Variants in GRIN2A observed in about 807,000 individuals in gnomAD.
GRIN2A encodes glutamate receptor ionotropic, NMDA 2A.
Under a neutral mutation model 113.4 loss-of-function variants are expected in GRIN2A, and 22 were observed. The observed-to-expected ratio is 0.19, with a 90% CI of 0.14 to 0.28. The LOEUF (loss-of-function observed/expected upper bound fraction) is 0.28. GRIN2A is among the 10% of genes least tolerant of loss of function. The pLI, the probability that GRIN2A is intolerant of heterozygous loss-of-function variation, is 1.00. For synonymous variants in GRIN2A, 827 were observed against 738.4 expected (o/e 1.12, Z -1.94); for missense variants, 1,502 against 1,887.0 (o/e 0.80, Z 3.78).
intron 4 of GRIN2A, among the ~76,000 whole-genome samples, chr16:9,885,824 G>C (rs1208503745): frequency 6.6e-6 from 1 of 152,200 alleles, no homozygotes; most frequent in Non-Finnish European, 1.5e-5. Context: ...TGAAGCACTA[G>C]ATCCCCTGAG....
chr16:9,948,955 A>G (rs776919374), intron 2 of GRIN2A, among the ~76,000 whole-genome samples: 1 of 152,078 alleles, frequency 6.6e-6, no homozygotes, highest in Non-Finnish European at 1.5e-5. Flanking sequence ...TATAAAATGG[A>G]CCTGGCAGTT....
intron 3 of GRIN2A, among the ~76,000 whole-genome samples, chr16:9,902,016 G>A (rs1160482793): frequency 1.3e-5 from 2 of 151,840 alleles, no homozygotes; most frequent in Non-Finnish European, 2.9e-5. Context: ...AGAACTAAGT[G>A]CAGATTTTCT....
rs1315161286 is a variant in GRIN2A, at chr16:10,180,911, G to A, written c.-18-482C>T. The A allele has an allele frequency of 1.6e-5, 3 of 189,788 alleles. No homozygotes were observed. The highest frequency in any genetic ancestry group is 7.1e-5 in the African/African-American group (3 of 42,416). The allele number at this position is 189,788 out of a possible 1,614,324, so 11.8% of individuals were successfully genotyped here. ...GAGCGAACTACAGACCCCGCAGGGCGTGCGGAGGCGGCACCCAGACCCCGC... is the reference window on the plus strand; with the variant it reads ...GAGCGAACTACAGACCCCGCAGGGCATGCGGAGGCGGCACCCAGACCCCGC... On this transcript the variant is annotated intron_variant, in intron 1 of 12. Transcript: ENST00000330684. The surrounding 1 kb of genome is among the most constrained non-coding windows in gnomAD (Gnocchi z 7.0).
chr16:10,084,172 T>C (rs2048040554), intron 2 of GRIN2A, among the ~76,000 whole-genome samples: 1 of 152,190 alleles, frequency 6.6e-6, no homozygotes. Flanking sequence ...TAGAACCTGG[T>C]GACATGTCTT....
intron 10 of GRIN2A, among the ~76,000 whole-genome samples, chr16:9,816,195 G>A (rs1311007105): frequency 6.6e-6 from 1 of 152,144 alleles, no homozygotes; most frequent in African/African-American, 2.4e-5. Context: ...GGTAATGGTT[G>A]TACCACACGA....
At chr16:9,876,667 G>A (rs926154193) in intron 4 of GRIN2A, among the ~76,000 whole-genome samples, 3 of 152,136 alleles carry the variant, frequency 2.0e-5, no homozygotes, top group Non-Finnish European at 2.9e-5. Flanking sequence ...CCTACTACAG[G>A]CCTGGCACTG....
chr16:10,118,209 T>G (rs2048765223), intron 2 of GRIN2A, among the ~76,000 whole-genome samples: 1 of 152,182 alleles, frequency 6.6e-6, no homozygotes, highest in Non-Finnish European at 1.5e-5. Flanking sequence ...TTGTTATATA[T>G]CTGTATTCAG....
intron 3 of GRIN2A, among the ~76,000 whole-genome samples, chr16:9,913,660 A>T (rs1426737180): frequency 6.6e-6 from 1 of 152,172 alleles, no homozygotes; most frequent in African/African-American, 2.4e-5. Flanking sequence ...TGTTTCGGAA[A>T]TTGGGCCTTG....
intron 2 of GRIN2A, among the ~76,000 whole-genome samples, chr16:9,986,279 C>A (rs183749848): frequency 1.3e-5 from 2 of 151,904 alleles, no homozygotes; most frequent in African/African-American, 2.4e-5. Flanking sequence ...GAAATTATGA[C>A]GTTAGGTGAA....
Position 9,973,788 on chromosome 16 carries a change from G to GA in GRIN2A, c.415-35238dup, listed in dbSNP as rs371842975. 1.1e-3 allele frequency among the ~76,000 whole-genome samples: 170 copies of GA among 151,376 alleles called. 2 individuals are homozygous for GA. In the East Asian group the frequency reaches 0.03, roughly 27 times the overall value. On this transcript the variant is annotated intron_variant, in intron 2 of 12. Coordinates refer to ENST00000330684, the MANE Select transcript of GRIN2A (RefSeq NM_001134407.3). Reference sequence around the variant, plus strand: ...ATAATGTCTTTATAAGTGCTGGGGGGAAAAAAAACAAATTCTATAATTAGT... The same window carrying GA: ...ATAATGTCTTTATAAGTGCTGGGGGGAAAAAAAAACAAATTCTATAATTAGT...
rs150600877 is a variant in GRIN2A, at chr16:9,984,565, A to C, written c.415-46014T>G. Reference sequence around the variant, plus strand: ...TAGATGCCTAGTTTCATCCTTCTGCATATGAATATCCACTTTTCCAAGCAC... The same window carrying C: ...TAGATGCCTAGTTTCATCCTTCTGCCTATGAATATCCACTTTTCCAAGCAC... On this transcript the variant is annotated intron_variant, in intron 2 of 12. Transcript: ENST00000330684. Among the ~76,000 whole-genome samples the C allele has an allele frequency of 3.5e-3, 526 of 152,312 alleles. 5 individuals are homozygous for C. The highest frequency in any genetic ancestry group is 0.012 in the African/African-American group (493 of 41,566).
Position 9,762,837 on chromosome 16 carries a change from C to T in GRIN2A, c.*312G>A. 1 of 467,362 alleles carries T rather than the reference C, an allele frequency of 2.1e-6. No individual in the cohort carries two copies. The highest frequency in any genetic ancestry group is 3.6e-5 in the East Asian group (1 of 27,702). The allele number at this position is 467,362 out of a possible 1,614,324, so 29.0% of individuals were successfully genotyped here. ...TAGGAAATCATAACATCACCATTGG[C>T]ATCCAATGCATCATTATTGCCAACA... On this transcript the variant is annotated 3_prime_UTR_variant, in exon 13 of 13. Transcript: ENST00000330684.
At chr16:9,790,356 G>C (rs1275272016) in intron 11 of GRIN2A, among the ~76,000 whole-genome samples, 1 of 152,184 alleles carries the variant, frequency 6.6e-6, no homozygotes, top group African/African-American at 2.4e-5. Flanking sequence ...CTCCCTCGCT[G>C]TGCATCTTTA....
chr16:10,094,234 G>A (rs1250603066), intron 2 of GRIN2A, among the ~76,000 whole-genome samples: 1 of 152,216 alleles, frequency 6.6e-6, no homozygotes, highest in Non-Finnish European at 1.5e-5. Context: ...ACAAAATGGT[G>A]AGGGCTCAGG....
At chr16:9,984,226 C>T (rs574562381) in intron 2 of GRIN2A, among the ~76,000 whole-genome samples, 3 of 107,130 alleles carry the variant, frequency 2.8e-5, no homozygotes, top group Admixed American at 9.0e-5. Flanking sequence ...CATTTTTAAT[C>T]GGATTTTTTT....
At chr16:9,868,941 G>C (rs1027919832) in intron 4 of GRIN2A, among the ~76,000 whole-genome samples, 3 of 152,176 alleles carry the variant, frequency 2.0e-5, no homozygotes, top group African/African-American at 7.2e-5. Flanking sequence ...GAGGGCAGCT[G>C]TTCTGGGAAG....
intron 9 of GRIN2A, 57 bp downstream of exon 9, chr16:9,829,366 G>T: frequency 9.1e-7 from 1 of 1,095,956 alleles, no homozygotes; most frequent in Non-Finnish European, 1.4e-6. Flanking sequence ...TCTTCCTCCT[G>T]AAAGGAGAGC....
chr16:10,131,258 A>G (rs2049055486), intron 2 of GRIN2A, among the ~76,000 whole-genome samples: 1 of 152,150 alleles, frequency 6.6e-6, no homozygotes. Flanking sequence ...CAGCATGTAG[A>G]GTGGGCTGTA....
At chr16:10,075,233 C>T (rs1201654839) in intron 2 of GRIN2A, among the ~76,000 whole-genome samples, 2 of 152,038 alleles carry the variant, frequency 1.3e-5, no homozygotes, top group Non-Finnish European at 2.9e-5. Context: ...AAAGGTCCTC[C>T]TCCCTCCTTC....
Sources: gnomAD v4.1 joint callset for allele counts (sites outside exome capture counted in the v4.1 genomes callset) on GRCh38, gnomAD v4.1.1 for gene constraint, Gnocchi (gnomAD v3.1) non-coding constraint, MANE v1.5 for transcripts, NCBI Gene and HGNC (gene_info 2026-07-23, HGNC 2026-07-21) for gene names.